Variants in CCDC7 observed in about 807,000 individuals in gnomAD.
CCDC7 encodes coiled-coil domain containing 7.
In CCDC7, 183 loss-of-function variants were observed where a neutral mutation model predicts 196.9. The ratio of observed to expected loss-of-function variants is 0.93; its 90% CI spans 0.82 to 1.05. CCDC7 has a LOEUF of 1.05. CCDC7 is among the 50% of genes least tolerant of loss of function. The pLI, the probability that CCDC7 is intolerant of heterozygous loss-of-function variation, is 0.00. For missense variants in CCDC7, 1,540 were observed against 1,482.2 expected (o/e 1.04, Z -0.64); for synonymous variants, 525 against 484.6 (o/e 1.08, Z -1.10).
At chr10:32,790,714 A>G (rs1317027246) in intron 29 of CCDC7, among the ~76,000 whole-genome samples, 1 of 152,138 alleles carries the variant, frequency 6.6e-6, no homozygotes, top group Non-Finnish European at 1.5e-5. Flanking sequence ...ATTCTGATTC[A>G]CAGGGTCAGA....
At position 32,517,430 on chromosome 10, in the gene CCDC7, T is replaced by C. The variant is rs564294688; in HGVS notation, c.873-515T>C. ...GTATTGTGTAAATGCCTAGAACAAG[T>C]CCTGGAAAGGTAACAGTGATCCAAT... On this transcript the variant is annotated intron_variant, in intron 9 of 41. Coordinates refer to ENST00000639629, the Ensembl canonical transcript of CCDC7. Among the ~76,000 whole-genome samples the C allele has an allele frequency of 5.3e-5, 8 of 152,048 alleles. No homozygotes were observed. The South Asian group carries it at 1.7e-3, about 32-fold the overall frequency.
chr10:32,858,054 A>G (rs2093821645), intron 41 of CCDC7, among the ~76,000 whole-genome samples: 1 of 150,610 alleles, frequency 6.6e-6, no homozygotes, highest in Non-Finnish European at 1.5e-5. Context: ...CTCAAAAAAT[A>G]TAAGCTACCA....
At chr10:32,511,521 G>A in intron 9 of CCDC7, 2 of 1,604,160 alleles carry the variant, frequency 1.2e-6, no homozygotes, top group Non-Finnish European at 1.7e-6. Context: ...TTAACTCCTT[G>A]GGTTGCCAAA....
At chr10:32,462,279 G>A (rs933443896) in intron 3 of CCDC7, among the ~76,000 whole-genome samples, 2 of 152,006 alleles carry the variant, frequency 1.3e-5, no homozygotes, top group Non-Finnish European at 2.9e-5. Context: ...TTAAAAATTA[G>A]CCAGGCATGG....
rs1162472308 is a variant in CCDC7 at position 32,492,130 on chromosome 10, TAAA to T, written c.872+134_872+136del. The T allele has an allele frequency of 1.5e-5, 13 of 884,710 alleles. No individual in the cohort carries two copies. The African/African-American group carries it at 1.6e-4, about 11-fold the overall frequency. 54.8% of individuals were successfully genotyped at this position (884,710 alleles called of 1,614,324 possible). On this transcript the variant is annotated intron_variant, in intron 9 of 41. Transcript: ENST00000639629. Reference sequence around the variant, plus strand: ...GTTTATTGCAGAAATATTGAAAACATAAAGAAGAAAATAACACCTCTATCAACA... The same window carrying T: ...GTTTATTGCAGAAATATTGAAAACATGAAGAAAATAACACCTCTATCAACA...
At chr10:32,632,384 T>C (rs944650200) in intron 18 of CCDC7, among the ~76,000 whole-genome samples, 2 of 151,818 alleles carry the variant, frequency 1.3e-5, no homozygotes, top group African/African-American at 4.8e-5. Flanking sequence ...TATCGTTTAG[T>C]ATATCGATTT....
rs146700593 is a variant in CCDC7 at position 32,658,773 on chromosome 10, A to T, written c.2015-5281A>T. Among the ~76,000 whole-genome samples the T allele has an allele frequency of 7.9e-3, 1,203 of 152,326 alleles. 7 individuals carry two copies. The highest frequency in any genetic ancestry group is 0.02 in the Middle Eastern group (6 of 294). ...CCAGGCCCATAAAGACATATATTGC[A>T]GTCTTGGTAAGTTACATATTTCTAT... On this transcript the variant is annotated intron_variant, in intron 20 of 41. Coordinates refer to ENST00000639629, the Ensembl canonical transcript of CCDC7.
intron 41 of CCDC7, among the ~76,000 whole-genome samples, chr10:32,872,198 CA>C (rs2094454171): frequency 6.6e-6 from 1 of 152,094 alleles, no homozygotes; most frequent in African/African-American, 2.4e-5. Flanking sequence ...CTAATGTTGA[CA>C]GTGGGGTGTT....
intron 11 of CCDC7, among the ~76,000 whole-genome samples, chr10:32,523,073 G>C (rs183448135): frequency 2.6e-5 from 4 of 152,282 alleles, no homozygotes; most frequent in African/African-American, 9.6e-5. Flanking sequence ...CTTGTTTTGT[G>C]ACCTAACATA....
chr10:32,865,177 T>A (rs1280696913), intron 41 of CCDC7, among the ~76,000 whole-genome samples: 4 of 151,844 alleles, frequency 2.6e-5, no homozygotes, highest in African/African-American at 4.8e-5. Flanking sequence ...AGAAAAAGTG[T>A]TTATAATACA....
At chr10:32,452,738 A>C (rs74747361) in intron 1 of CCDC7, among the ~76,000 whole-genome samples, 4 of 152,104 alleles carry the variant, frequency 2.6e-5, no homozygotes. Context: ...GATTACAGGC[A>C]TGAGCACCAT....
intron 9 of CCDC7, chr10:32,499,138 A>G (rs1268331313): frequency 2.0e-5 from 3 of 150,924 alleles, no homozygotes; most frequent in Non-Finnish European, 4.4e-5. Context: ...ATGAACTCAG[A>G]AAAAATGAAG....
intron 28 of CCDC7, among the ~76,000 whole-genome samples, chr10:32,732,130 G>GT (rs1172589721): frequency 6.6e-6 from 1 of 152,062 alleles, no homozygotes; most frequent in South Asian, 2.1e-4. Flanking sequence ...TCACAGTAAA[G>GT]TTTTTTTCAC....
exon 38 of CCDC7, chr10:32,847,873 T>C (rs2093373613): frequency 6.2e-7 from 1 of 1,611,332 alleles, no homozygotes; most frequent in South Asian, 1.1e-5. Flanking sequence ...TTGGTTCAAG[T>C]AAAACAATTG....
At chr10:32,532,569 A>G (rs1293211577) in intron 11 of CCDC7, among the ~76,000 whole-genome samples, 1 of 152,108 alleles carries the variant, frequency 6.6e-6, no homozygotes, top group Non-Finnish European at 1.5e-5. Flanking sequence ...TGTGTTGTTT[A>G]AAGTCCCTTA....
At chr10:32,517,872 A>C (rs1321553521) in intron 9 of CCDC7, 73 bp from the exon 11 acceptor site, 1 of 1,524,736 alleles carries the variant, frequency 6.6e-7, no homozygotes, top group African/African-American at 1.4e-5. Context: ...AAAAAAAAAG[A>C]AAATGTGTGT....
chr10:32,661,497 G>A (rs530548075), intron 20 of CCDC7, among the ~76,000 whole-genome samples: 1 of 152,182 alleles, frequency 6.6e-6, no homozygotes, highest in African/African-American at 2.4e-5. Flanking sequence ...CTCACCTGAA[G>A]CCAGCATATC....
At chr10:32,791,123 T>G (rs757352483) in intron 29 of CCDC7, among the ~76,000 whole-genome samples, 6 of 152,148 alleles carry the variant, frequency 3.9e-5, no homozygotes, top group South Asian at 2.1e-4. Context: ...CCCACAGTCA[T>G]CATTGACATG....
chr10:32,667,883 T>C (rs942152494), intron 21 of CCDC7, among the ~76,000 whole-genome samples: 1 of 152,066 alleles, frequency 6.6e-6, no homozygotes, highest in African/African-American at 2.4e-5. Flanking sequence ...AACTTTAAAG[T>C]AGTTTTTTCC....
Sources: gnomAD v4.1 joint callset for allele counts (sites outside exome capture counted in the v4.1 genomes callset) on GRCh38, gnomAD v4.1.1 for gene constraint, MANE v1.5 for transcripts, NCBI Gene and HGNC (gene_info 2026-07-23, HGNC 2026-07-21) for gene names.